The following DIRAS2 variants were observed in gnomAD, a reference collection of about 807,000 sequenced individuals.
The protein encoded by DIRAS2 is DIRAS family GTPase 2.
A neutral mutation model predicts 13.9 loss-of-function variants in DIRAS2; 5 were observed. The ratio of observed to expected loss-of-function variants is 0.36; its 90% CI spans 0.19 to 0.76. The LOEUF (loss-of-function observed/expected upper bound fraction) is 0.76. Ranked by LOEUF, DIRAS2 falls within the 30% of genes least tolerant of loss-of-function variation. DIRAS2 has a pLI of 0.53. For synonymous variants in DIRAS2, 111 were observed against 105.4 expected, an observed-to-expected ratio of 1.05 and a Z score of -0.33; for missense variants, 191 against 263.0, an observed-to-expected ratio of 0.73 and a Z score of 1.89.
At chr9:90,621,836 C>G (rs1267697246) in intron 1 of DIRAS2, among the ~76,000 whole-genome samples, 2 of 152,222 alleles carry the variant, frequency 1.3e-5, no homozygotes, top group Non-Finnish European at 2.9e-5. Flanking sequence ...CCTTCCTCCA[C>G]TACCCTGATT....
At chr9:90,614,087 G>A (rs1440601426) in intron 1 of DIRAS2, among the ~76,000 whole-genome samples, 1 of 152,148 alleles carries the variant, frequency 6.6e-6, no homozygotes, top group Non-Finnish European at 1.5e-5. Context: ...ATTGGACCAT[G>A]ACAATGAGCA....
At position 90,610,476 on chromosome 9, in the gene DIRAS2, A is replaced by G; in HGVS notation, c.*2752T>C. 1 of 399,010 alleles carries G rather than the reference A, an allele frequency of 2.5e-6. No homozygotes were observed. The highest frequency in any genetic ancestry group is 4.4e-6 in the Non-Finnish European group (1 of 226,062). The allele number at this position is 399,010 out of a possible 1,614,324, so 24.7% of individuals were successfully genotyped here. A position where few individuals can be genotyped will look rare whatever the true frequency, so the allele number is the denominator to read the frequency against. ...GATAGAAGGGAAGTCATGGAGCCCCATGCTCATGCCCAGAGCGCCATCTTC... is the reference window on the plus strand; with the variant it reads ...GATAGAAGGGAAGTCATGGAGCCCCGTGCTCATGCCCAGAGCGCCATCTTC... On this transcript the variant is annotated 3_prime_UTR_variant, in exon 2 of 2. Coordinates refer to ENST00000375765, the MANE Select transcript of DIRAS2 (RefSeq NM_017594.5).
In DIRAS2 at chr9:90,610,269, A is replaced by T; in HGVS notation, c.*2959T>A. Reference sequence around the variant, plus strand: ...ATATTACAAACAGTGAAACAAATATACTAGCTTACAGATATGTACAATTTA... The same window carrying T: ...ATATTACAAACAGTGAAACAAATATTCTAGCTTACAGATATGTACAATTTA... On this transcript the variant is annotated 3_prime_UTR_variant, in exon 2 of 2. Transcript: ENST00000375765. 3 of 395,540 alleles carry T rather than the reference A, an allele frequency of 7.6e-6. No individual in the cohort carries two copies. 24.5% of individuals were successfully genotyped at this position (395,540 alleles called of 1,614,324 possible). A position where few individuals can be genotyped will look rare whatever the true frequency, so the allele number is the denominator to read the frequency against.
chr9:90,640,842 G>A (rs556284051), intron 1 of DIRAS2, among the ~76,000 whole-genome samples: 3 of 152,206 alleles, frequency 2.0e-5, no homozygotes, highest in Non-Finnish European at 4.4e-5. Flanking sequence ...TATGGCATTT[G>A]TCACAGGGAA....
intron 1 of DIRAS2, among the ~76,000 whole-genome samples, chr9:90,642,370 C>T (rs1825426468): frequency 6.6e-6 from 1 of 152,208 alleles, no homozygotes; most frequent in African/African-American, 2.4e-5. Flanking sequence ...CAGTCCCTAG[C>T]GTGCTTGGCT....
At chr9:90,628,941 G>T (rs1168383956) in intron 1 of DIRAS2, among the ~76,000 whole-genome samples, 1 of 151,950 alleles carries the variant, frequency 6.6e-6, no homozygotes, top group Admixed American at 6.5e-5. Flanking sequence ...CGCAAGCTCC[G>T]CCTCCCGGGT....
intron 1 of DIRAS2, among the ~76,000 whole-genome samples, chr9:90,633,401 T>C (rs114005655): frequency 1.3e-5 from 2 of 152,158 alleles, no homozygotes; most frequent in Non-Finnish European, 2.9e-5. Flanking sequence ...GCTGAGAGAA[T>C]CCTGGACAAA....
chr9:90,619,673 G>C (rs1273281929), intron 1 of DIRAS2, among the ~76,000 whole-genome samples: 11 of 152,088 alleles, frequency 7.2e-5, no homozygotes, highest in Admixed American at 7.2e-4. Context: ...ATTATAATAT[G>C]ACCCAGCAAT....
intron 1 of DIRAS2, among the ~76,000 whole-genome samples, chr9:90,642,032 A>G (rs574237103): frequency 7.2e-5 from 11 of 152,228 alleles, no homozygotes; most frequent in Non-Finnish European, 1.6e-4. Context: ...ATAGAATGTG[A>G]ATTGGAGTTT....
chr9:90,613,979 A>T lies in DIRAS2; in HGVS notation c.-36-116T>A. 2 of 1,055,888 alleles carry T rather than the reference A, an allele frequency of 1.9e-6. No individual in the cohort carries two copies. The highest frequency in any genetic ancestry group is 2.7e-6 in the Non-Finnish European group (2 of 752,398). 65.4% of individuals were successfully genotyped at this position (1,055,888 alleles called of 1,614,324 possible). Reference sequence around the variant, plus strand: ...AATGGGAGGTGATAACATTTAAAATAGCGACAATTCTAAATCCAATAAATT... The same window carrying T: ...AATGGGAGGTGATAACATTTAAAATTGCGACAATTCTAAATCCAATAAATT... On this transcript the variant is annotated intron_variant, in intron 1 of 1. Coordinates refer to ENST00000375765, the MANE Select transcript of DIRAS2 (RefSeq NM_017594.5). The surrounding 1 kb of genome is among the most constrained non-coding windows in gnomAD (Gnocchi z 5.6).
chr9:90,620,113 G>A (rs1430598609), intron 1 of DIRAS2, among the ~76,000 whole-genome samples: 8 of 152,140 alleles, frequency 5.3e-5, no homozygotes, highest in Admixed American at 3.9e-4. Flanking sequence ...CTAAAACAGT[G>A]GTAATGGCTG....
intron 1 of DIRAS2, among the ~76,000 whole-genome samples, chr9:90,625,470 T>C (rs1347714181): frequency 1.3e-5 from 2 of 152,238 alleles, no homozygotes; most frequent in African/African-American, 4.8e-5. Context: ...GTTTAGGTCA[T>C]TGATCTATTT....
chr9:90,634,468 T>C (rs1825353706), intron 1 of DIRAS2, among the ~76,000 whole-genome samples: 1 of 152,200 alleles, frequency 6.6e-6, no homozygotes, highest in Non-Finnish European at 1.5e-5. Context: ...CCTGAGGAGC[T>C]CTTGGCAGGC....
chr9:90,627,189 C>G (rs1459286255), intron 1 of DIRAS2, among the ~76,000 whole-genome samples: 1 of 152,172 alleles, frequency 6.6e-6, no homozygotes, highest in Non-Finnish European at 1.5e-5. Context: ...TTGTACGCCT[C>G]CTGAGGCCTC....
intron 1 of DIRAS2, among the ~76,000 whole-genome samples, chr9:90,638,114 A>G (rs1825386843): frequency 6.6e-6 from 1 of 151,846 alleles, no homozygotes; most frequent in Non-Finnish European, 1.5e-5. Context: ...GTCCTCCCCT[A>G]CTCTGAAACC....
At chr9:90,631,637 A>G (rs773432692) in intron 1 of DIRAS2, among the ~76,000 whole-genome samples, 2 of 152,096 alleles carry the variant, frequency 1.3e-5, no homozygotes, top group Non-Finnish European at 2.9e-5. Flanking sequence ...CCCACACCCT[A>G]TCTTTGCTAC....
In DIRAS2 at chr9:90,636,027, C is replaced by CTT. The variant is rs1172661795; in HGVS notation, c.-37+6723_-37+6724dup. Reference sequence around the variant, plus strand: ...AGGATAGAGAATACAACTGAATATTCTTTTTTTTTTTTTTTTTTTTTTTTT... The same window carrying CTT: ...AGGATAGAGAATACAACTGAATATTCTTTTTTTTTTTTTTTTTTTTTTTTTTT... On this transcript the variant is annotated intron_variant, in intron 1 of 1. Coordinates refer to ENST00000375765, the MANE Select transcript of DIRAS2 (RefSeq NM_017594.5). Among the ~76,000 whole-genome samples the CTT allele has an allele frequency of 5.9e-3, 394 of 66,258 alleles. 68 individuals are homozygous for CTT. Among genetic ancestry groups the CTT allele is most frequent in the African/African-American group, 0.018 (289 of 16,470 alleles). 43.5% of individuals were successfully genotyped at this position (66,258 alleles called of 152,430 possible).
chr9:90,633,597 G>A (rs1474894691), intron 1 of DIRAS2, among the ~76,000 whole-genome samples: 1 of 152,264 alleles, frequency 6.6e-6, no homozygotes, highest in African/African-American at 2.4e-5. Context: ...GAAGCCAAGT[G>A]TGTGGATGAG....
intron 1 of DIRAS2, among the ~76,000 whole-genome samples, chr9:90,630,630 A>C (rs2118572539): frequency 6.6e-6 from 1 of 152,388 alleles, no homozygotes; most frequent in East Asian, 1.9e-4. Flanking sequence ...GTTACTCTGT[A>C]GCAAAACAAC....
Sources: allele counts gnomAD v4.1 joint callset (sites outside exome capture counted in the v4.1 genomes callset), GRCh38; gene constraint gnomAD v4.1.1; non-coding constraint Gnocchi (gnomAD v3.1); transcripts MANE v1.5; gene names NCBI Gene and HGNC (gene_info 2026-07-23, HGNC 2026-07-21).